The following CNTNAP2 variants were observed in gnomAD, a reference collection of about 807,000 sequenced individuals.
CNTNAP2 encodes contactin-associated protein-like 2.
CNTNAP2 carries 98 observed loss-of-function variants against 155.2 expected under a neutral mutation model. The observed-to-expected ratio is 0.63, with a 90% CI of 0.54 to 0.75. The LOEUF is 0.75. CNTNAP2 is among the 30% of genes least tolerant of loss of function. CNTNAP2 has a pLI of 0.00. For missense variants in CNTNAP2, 1,727 were observed against 1,688.1 expected (o/e 1.02, Z -0.40); for synonymous variants, 651 against 631.2 (o/e 1.03, Z -0.47).
At chr7:147,086,044 A>C (rs958781752) in intron 4 of CNTNAP2, among the ~76,000 whole-genome samples, 1 of 152,252 alleles carries the variant, frequency 6.6e-6, no homozygotes, top group Non-Finnish European at 1.5e-5. Flanking sequence ...GCATGTCACC[A>C]AAAGCAGTTT....
intron 21 of CNTNAP2, among the ~76,000 whole-genome samples, chr7:148,300,303 T>G (rs1797360257): frequency 6.6e-6 from 1 of 152,146 alleles, no homozygotes; most frequent in South Asian, 2.1e-4. Context: ...TATTTCCTCC[T>G]CTCTGGAATA....
At chr7:147,906,402 C>A (rs539799265) in intron 14 of CNTNAP2, among the ~76,000 whole-genome samples, 2 of 151,308 alleles carry the variant, frequency 1.3e-5, no homozygotes, top group Non-Finnish European at 3.0e-5. Flanking sequence ...AACTCCTGAC[C>A]TCAAGTGATC....
At chr7:146,292,535 G>A (rs868717536) in intron 1 of CNTNAP2, among the ~76,000 whole-genome samples, 8 of 152,156 alleles carry the variant, frequency 5.3e-5, no homozygotes, top group South Asian at 2.1e-4. Flanking sequence ...TGATGGGAAT[G>A]TAAATTAGTA....
chr7:146,607,698 G>C (rs1003042253), intron 1 of CNTNAP2, among the ~76,000 whole-genome samples: 1 of 151,708 alleles, frequency 6.6e-6, no homozygotes, highest in Admixed American at 6.6e-5. Context: ...GGCTGGTCTC[G>C]AATGCCTGGG....
chr7:146,810,691 AGT>A (rs1189058054), intron 2 of CNTNAP2, among the ~76,000 whole-genome samples: 1 of 151,962 alleles, frequency 6.6e-6, no homozygotes, highest in Non-Finnish European at 1.5e-5. Flanking sequence ...AAGTGACAAG[AGT>A]GTGCACCTTT....
intron 16 of CNTNAP2, among the ~76,000 whole-genome samples, chr7:148,122,015 G>C (rs1804606242): frequency 6.6e-6 from 1 of 152,080 alleles, no homozygotes; most frequent in Non-Finnish European, 1.5e-5. Context: ...AGTAACTCAG[G>C]AGTTATGATA....
At chr7:147,125,803 C>G (rs1801220299) in intron 6 of CNTNAP2, among the ~76,000 whole-genome samples, 1 of 152,044 alleles carries the variant, frequency 6.6e-6, no homozygotes, top group Non-Finnish European at 1.5e-5. Context: ...GAGGAGGCAA[C>G]AGGAAGTAAT....
Position 147,969,115 on chromosome 7 carries a change from T to A in CNTNAP2, c.2256-8747T>A, listed in dbSNP as rs571407812. Reference sequence around the variant, plus strand: ...TGTCTTGCTCTATATGGTGGTATGATCTCAGCTCACTGAAGCCTCGACTTC... The same window carrying A: ...TGTCTTGCTCTATATGGTGGTATGAACTCAGCTCACTGAAGCCTCGACTTC... On this transcript the variant is annotated intron_variant, in intron 14 of 23. Coordinates refer to ENST00000361727, the MANE Select transcript of CNTNAP2 (RefSeq NM_014141.6). Among the ~76,000 whole-genome samples the A allele has an allele frequency of 7.2e-5, 11 of 152,322 alleles. No homozygotes were observed. In the East Asian group the frequency reaches 2.1e-3, roughly 29 times the overall value.
chr7:147,137,748 T>C (rs1801513045), intron 8 of CNTNAP2, among the ~76,000 whole-genome samples: 1 of 151,916 alleles, frequency 6.6e-6, no homozygotes, highest in South Asian at 2.1e-4. Context: ...GTTTAATTAT[T>C]TGAAAATATT....
intron 1 of CNTNAP2, among the ~76,000 whole-genome samples, chr7:146,241,164 C>A (rs1799554383): frequency 6.6e-6 from 1 of 152,166 alleles, no homozygotes; most frequent in African/African-American, 2.4e-5. Context: ...ACCTCCAATA[C>A]TGGGGATGAC....
intron 2 of CNTNAP2, among the ~76,000 whole-genome samples, chr7:146,792,260 G>T (rs553599865): frequency 3.2e-4 from 48 of 148,770 alleles, no homozygotes; most frequent in Non-Finnish European, 6.4e-4. Context: ...CAAAAAAAAA[G>T]AAAAAGCTAA....
intron 3 of CNTNAP2, among the ~76,000 whole-genome samples, chr7:146,878,576 A>T (rs2129208765): frequency 6.6e-6 from 1 of 152,170 alleles, no homozygotes; most frequent in Non-Finnish European, 1.5e-5. Flanking sequence ...TGAAAAAATT[A>T]TTTCACTAGT....
chr7:147,763,160 G>A (rs1797332326), intron 13 of CNTNAP2, among the ~76,000 whole-genome samples: 1 of 151,778 alleles, frequency 6.6e-6, no homozygotes, highest in Non-Finnish European at 1.5e-5. Flanking sequence ...TCGGGAGGCT[G>A]AGACAGGAGA....
At chr7:147,863,264 C>A (rs1343663421) in intron 13 of CNTNAP2, among the ~76,000 whole-genome samples, 1 of 151,766 alleles carries the variant, frequency 6.6e-6, no homozygotes, top group Non-Finnish European at 1.5e-5. Flanking sequence ...TGAACTCATC[C>A]TTTTTTATGA....
intron 1 of CNTNAP2, among the ~76,000 whole-genome samples, chr7:146,193,032 C>G (rs1029962647): frequency 6.6e-6 from 1 of 152,212 alleles, no homozygotes; most frequent in African/African-American, 2.4e-5. Context: ...AAAATGATCT[C>G]CTTTGACTCC....
intron 22 of CNTNAP2, among the ~76,000 whole-genome samples, chr7:148,399,504 C>G (rs2116696290): frequency 6.6e-6 from 1 of 152,222 alleles, no homozygotes; most frequent in Non-Finnish European, 1.5e-5. Flanking sequence ...GCCAACATCC[C>G]AATATTTTTC....
intron 3 of CNTNAP2, among the ~76,000 whole-genome samples, chr7:146,931,043 C>T (rs1796744524): frequency 6.6e-6 from 1 of 151,846 alleles, no homozygotes; most frequent in Non-Finnish European, 1.5e-5. Flanking sequence ...AGAAAGTTAA[C>T]AAGGATACCC....
chr7:147,583,904 C>CA (rs1299418256), intron 12 of CNTNAP2, among the ~76,000 whole-genome samples: 1 of 152,054 alleles, frequency 6.6e-6, no homozygotes, highest in Non-Finnish European at 1.5e-5. Context: ...GAGACGGTGG[C>CA]ATGGGTGTCT....
chr7:148,096,278 C>CGT (rs1563197995), intron 15 of CNTNAP2, among the ~76,000 whole-genome samples: 62 of 119,250 alleles, frequency 5.2e-4, no homozygotes, highest in African/African-American at 1.3e-3. Context: ...TGCATGCATG[C>CGT]ATGTGTGTGT....
Sources: gnomAD v4.1 joint callset for allele counts (sites outside exome capture counted in the v4.1 genomes callset) on GRCh38, gnomAD v4.1.1 for gene constraint, MANE v1.5 for transcripts, NCBI Gene and HGNC (gene_info 2026-07-23, HGNC 2026-07-21) for gene names.